NTRK3: variants seen among roughly 807,000 people sequenced by gnomAD.
NTRK3 encodes the protein neurotrophic receptor tyrosine kinase 3.
A neutral mutation model predicts 91.7 loss-of-function variants in NTRK3; 24 were observed. That is an observed-to-expected ratio of 0.26 (90% confidence interval 0.19 to 0.37). NTRK3 has a LOEUF of 0.37. Among genes scored for constraint, NTRK3 ranks in the 10% least tolerant of loss-of-function variants. NTRK3 has a pLI of 1.00. For missense variants in NTRK3, 880 were observed against 1,068.9 expected, an observed-to-expected ratio of 0.82 and a Z score of 2.46; for synonymous variants, 483 against 404.0, an observed-to-expected ratio of 1.20 and a Z score of -2.34.
chr15:87,886,694 A>ATG (rs2065563402), intron 17 of NTRK3, among the ~76,000 whole-genome samples: 1 of 141,868 alleles, frequency 7.0e-6, no homozygotes, highest in African/African-American at 2.6e-5. Flanking sequence ...ATATATATAT[A>ATG]TATATACATA....
exon 19 of NTRK3, chr15:87,860,206 G>A (rs569136043): frequency 9.0e-6 from 2 of 222,716 alleles, no homozygotes; most frequent in South Asian, 3.7e-4. Context: ...GGAAGCATGA[G>A]GGTGAAGAAT....
chr15:87,967,806 G>T (rs1184393749), intron 14 of NTRK3, among the ~76,000 whole-genome samples: 2 of 152,178 alleles, frequency 1.3e-5, no homozygotes, highest in Non-Finnish European at 2.9e-5. Context: ...AACATGCATG[G>T]TTGTAGCCAG....
At chr15:88,175,232 T>C (rs914415637) in intron 5 of NTRK3, among the ~76,000 whole-genome samples, 3 of 152,222 alleles carry the variant, frequency 2.0e-5, no homozygotes, top group African/African-American at 7.2e-5. Context: ...GCTCCCATCA[T>C]CTTCCCAACA....
At chr15:88,104,773 A>G (rs946699134) in intron 13 of NTRK3, among the ~76,000 whole-genome samples, 7 of 152,300 alleles carry the variant, frequency 4.6e-5, no homozygotes, top group Middle Eastern at 3.4e-3. Context: ...ATTCCTAAAC[A>G]TCTCATTGGC....
intron 14 of NTRK3, among the ~76,000 whole-genome samples, chr15:87,955,418 A>T (rs938167739): frequency 2.6e-5 from 4 of 152,194 alleles, no homozygotes; most frequent in African/African-American, 9.6e-5. Context: ...CACGCTACAG[A>T]GGGTCAGGAG....
At chr15:87,944,354 G>A (rs371912552) in intron 14 of NTRK3, among the ~76,000 whole-genome samples, 3 of 152,170 alleles carry the variant, frequency 2.0e-5, no homozygotes, top group Non-Finnish European at 2.9e-5. Context: ...TGAACTTACC[G>A]AGGAAACAGT....
At chr15:88,043,549 C>T (rs983740385) in intron 13 of NTRK3, among the ~76,000 whole-genome samples, 1 of 152,170 alleles carries the variant, frequency 6.6e-6, no homozygotes, top group African/African-American at 2.4e-5. Context: ...AGTCCTCATG[C>T]CTCCACCCAC....
exon 19 of NTRK3, chr15:87,867,428 A>T (rs1162397393): frequency 8.7e-6 from 2 of 229,586 alleles, no homozygotes; most frequent in African/African-American, 4.4e-5. Context: ...TAAAACAAAA[A>T]TGGGACTGAC....
chr15:88,256,013 C>G, exon 3 of NTRK3: 3 of 1,613,670 alleles, frequency 1.9e-6, no homozygotes, highest in Non-Finnish European at 2.5e-6. Flanking sequence ...CATCGTCCGG[C>G]CGCCGGCAAT....
intron 11 of NTRK3, among the ~76,000 whole-genome samples, chr15:88,128,085 TTGC>T (rs2053475308): frequency 6.6e-6 from 1 of 152,124 alleles, no homozygotes; most frequent in African/African-American, 2.4e-5. Context: ...ATGGCAGCAG[TTGC>T]TGCTATTATT....
intron 3 of NTRK3, among the ~76,000 whole-genome samples, chr15:88,246,378 C>A (rs573745608): frequency 4.7e-4 from 71 of 152,324 alleles, no homozygotes; most frequent in African/African-American, 1.7e-3. Flanking sequence ...CATCTCTAGT[C>A]AATGCCAGGA....
chr15:88,183,932 C>T (rs897523625), intron 4 of NTRK3, among the ~76,000 whole-genome samples: 7 of 152,038 alleles, frequency 4.6e-5, no homozygotes, highest in African/African-American at 1.7e-4. Flanking sequence ...GGAAAGGACA[C>T]TCACCCAGCA....
intron 13 of NTRK3, among the ~76,000 whole-genome samples, chr15:88,088,869 T>C (rs1472917267): frequency 2.0e-5 from 3 of 152,160 alleles, no homozygotes; most frequent in African/African-American, 7.2e-5. Context: ...TGACCCTGGG[T>C]AGGCTGCTTA....
exon 13 of NTRK3, chr15:88,126,335 G>A (rs2151107417): frequency 3.7e-6 from 6 of 1,614,008 alleles, no homozygotes; most frequent in Non-Finnish European, 5.1e-6. Flanking sequence ...CCACCAACAG[G>A]ACACAGGCAA....
At chr15:88,188,131 T>C (rs1435373990) in intron 3 of NTRK3, among the ~76,000 whole-genome samples, 2 of 152,106 alleles carry the variant, frequency 1.3e-5, no homozygotes, top group Non-Finnish European at 2.9e-5. Context: ...GACTGTGCAA[T>C]TCTGCAGAGT....
intron 5 of NTRK3, among the ~76,000 whole-genome samples, chr15:88,161,675 T>C (rs759711381): frequency 3.5e-4 from 53 of 152,142 alleles, no homozygotes; most frequent in Middle Eastern, 3.4e-3. Flanking sequence ...CAACCAGAAA[T>C]GAGCTACATA....
chr15:88,203,003 G>C (rs1327445782), intron 3 of NTRK3, among the ~76,000 whole-genome samples: 1 of 152,152 alleles, frequency 6.6e-6, no homozygotes, highest in East Asian at 1.9e-4. Context: ...TTTGATGCTA[G>C]CTGGCTCCCA....
exon 19 of NTRK3, chr15:87,864,669 A>G (rs2064615665): frequency 8.7e-6 from 2 of 230,060 alleles, no homozygotes; most frequent in Admixed American, 5.7e-5. Flanking sequence ...GTCTCCTTGT[A>G]TTTTTTAGAG....
At chr15:87,872,652 A>G (rs1596039942) in exon 19 of NTRK3, 1 of 232,416 alleles carries the variant, frequency 4.3e-6, no homozygotes, top group African/African-American at 2.2e-5. Context: ...GAGCATAAAA[A>G]TGAAGTCTCT....
Sources: allele counts gnomAD v4.1 joint callset (sites outside exome capture counted in the v4.1 genomes callset), GRCh38; gene constraint gnomAD v4.1.1; transcripts MANE v1.5; gene names NCBI Gene and HGNC (gene_info 2026-07-23, HGNC 2026-07-21).